RANBP2: variants seen among roughly 807,000 people sequenced by gnomAD.
RANBP2 encodes E3 SUMO-protein ligase RanBP2.
In RANBP2, 57 loss-of-function variants were observed where a neutral mutation model predicts 303.6. The ratio of observed to expected loss-of-function variants is 0.19; its 90% CI spans 0.15 to 0.23. The LOEUF (loss-of-function observed/expected upper bound fraction) is 0.23. RANBP2 is among the 10% of genes least tolerant of loss of function. The probability of loss-of-function intolerance (pLI) is 1.00; values close to 1 mark genes in which losing one functional copy is unlikely to be tolerated. For synonymous variants in RANBP2, 1,167 were observed against 1,301.5 expected (o/e 0.90, Z 2.23); for missense variants, 3,138 against 3,780.8 (o/e 0.83, Z 4.46).
chr2:109,241,827 G>A, the RANBP2 span, among the ~76,000 whole-genome samples: 39 of 151,018 alleles, frequency 2.6e-4, no homozygotes, highest in African/African-American at 9.5e-4. Flanking sequence ...GTGCAGTGGT[G>A]CGATCTCGGC....
At chr2:108,926,239 CT>C in the RANBP2 span, among the ~76,000 whole-genome samples, 3 of 152,148 alleles carry the variant, frequency 2.0e-5, no homozygotes, top group Non-Finnish European at 4.4e-5. Flanking sequence ...TGTCCGGTCC[CT>C]TCGTCTTTCT....
At chr2:108,911,971 G>A in the RANBP2 span, among the ~76,000 whole-genome samples, 1 of 152,186 alleles carries the variant, frequency 6.6e-6, no homozygotes, top group Non-Finnish European at 1.5e-5. Context: ...TCCGTGTTTT[G>A]AGCTACTCCC....
the RANBP2 span, chr2:108,839,359 A>T: frequency 7.2e-7 from 1 of 1,388,128 alleles, no homozygotes; most frequent in East Asian, 2.3e-5. Context: ...TTACTTCTTG[A>T]TCTTGTTTCA....
At chr2:108,729,011 CTT>C (rs752932629) in intron 1 of RANBP2, 119 bp from the exon 2 acceptor site, 25 of 1,251,886 alleles carry the variant, frequency 2.0e-5, no homozygotes, top group Non-Finnish European at 2.6e-5. Flanking sequence ...TTTAAAAAAA[CTT>C]TTAAGTGAAT....
chr2:109,351,306 G>A, the RANBP2 span, among the ~76,000 whole-genome samples: 1 of 152,208 alleles, frequency 6.6e-6, no homozygotes, highest in Non-Finnish European at 1.5e-5. Flanking sequence ...GACTTAGGGT[G>A]ACACATAACC....
chr2:109,637,999 T>C, the RANBP2 span, among the ~76,000 whole-genome samples: 1 of 152,202 alleles, frequency 6.6e-6, no homozygotes, highest in Non-Finnish European at 1.5e-5. Context: ...GCGACGATGC[T>C]AGTTTCCTTA....
At chr2:109,366,126 T>C in the RANBP2 span, among the ~76,000 whole-genome samples, 1,866 of 152,330 alleles carry the variant, frequency 0.012, 39 homozygotes, top group African/African-American at 0.037. Flanking sequence ...CCTAGAGTTA[T>C]CCATTCTTTA....
At chr2:109,448,996 G>C in the RANBP2 span, among the ~76,000 whole-genome samples, 2 of 152,292 alleles carry the variant, frequency 1.3e-5, no homozygotes, top group South Asian at 2.1e-4. Context: ...GCATTTTCAG[G>C]GTTTCTTGGC....
rs534483974 is a variant in RANBP2 at position 108,782,870 on chromosome 2, T to C, written c.9369+8T>C. 300 of 1,603,598 alleles carry C rather than the reference T, an allele frequency of 1.9e-4. 1 individual carries two copies. The highest frequency in any genetic ancestry group is 2.5e-4 in the Non-Finnish European group (290 of 1,173,022). ...CCAGATTTTGTTTGCCAAGTAGGTA[T>C]TATTAAGTACATACCACAATTGAGG... On this transcript the variant is annotated splice_region_variant and intron_variant, in intron 28 of 28. Transcript: ENST00000283195.
chr2:108,724,243 A>G (rs1380655557), intron 1 of RANBP2, among the ~76,000 whole-genome samples: 2 of 152,110 alleles, frequency 1.3e-5, no homozygotes, highest in African/African-American at 4.8e-5. Flanking sequence ...GCTCACTGCA[A>G]CTTCCGCCTC....
At chr2:109,445,279 C>T in the RANBP2 span, among the ~76,000 whole-genome samples, 1 of 152,032 alleles carries the variant, frequency 6.6e-6, no homozygotes, top group Non-Finnish European at 1.5e-5. Context: ...AGGAGTAGTC[C>T]CTGAGAATTC....
At chr2:109,215,655 C>T in the RANBP2 span, among the ~76,000 whole-genome samples, 1 of 152,102 alleles carries the variant, frequency 6.6e-6, no homozygotes, top group African/African-American at 2.4e-5. Flanking sequence ...GGGCTCTCAC[C>T]TACGATTTTA....
chr2:108,932,549 A>AAAAG, the RANBP2 span, among the ~76,000 whole-genome samples: 2 of 151,126 alleles, frequency 1.3e-5, no homozygotes, highest in African/African-American at 2.4e-5. Flanking sequence ...AAAAAAAAAA[A>AAAAG]AAAGAAAGAA....
At chr2:109,210,248 T>A in the RANBP2 span, among the ~76,000 whole-genome samples, 1 of 152,268 alleles carries the variant, frequency 6.6e-6, no homozygotes. Flanking sequence ...CTGTTGGGAA[T>A]AATGTCACTA....
the RANBP2 span, among the ~76,000 whole-genome samples, chr2:109,412,404 G>A: frequency 6.6e-6 from 1 of 152,250 alleles, no homozygotes; most frequent in African/African-American, 2.4e-5. Flanking sequence ...CTTGTGCTAT[G>A]CTGGTTTGGG....
At chr2:108,742,399 G>A (rs1696183316) in intron 7 of RANBP2, among the ~76,000 whole-genome samples, 1 of 152,100 alleles carries the variant, frequency 6.6e-6, no homozygotes, top group Non-Finnish European at 1.5e-5. Flanking sequence ...TGCCTCCTGG[G>A]TTCAAGTGAT....
At chr2:108,993,567 A>G in the RANBP2 span, among the ~76,000 whole-genome samples, 3 of 152,174 alleles carry the variant, frequency 2.0e-5, no homozygotes. Flanking sequence ...TCACCTAGAT[A>G]CCGGGAGATG....
Position 108,726,447 on chromosome 2 carries a change from T to G in RANBP2, c.73-2685T>G, listed in dbSNP as rs183800227. 1.4e-3 allele frequency among the ~76,000 whole-genome samples: 213 copies of G among 151,482 alleles called. 1 individual carries two copies. The highest frequency in any genetic ancestry group is 3.3e-3 in the African/African-American group (135 of 41,400). On this transcript the variant is annotated intron_variant, in intron 1 of 28. Transcript: ENST00000283195. ...AGAGGTGAGTTTTTTTGTTTTTTTT[T>G]TTTTTTGGCTTAAACAACAGAAATT...
the RANBP2 span, among the ~76,000 whole-genome samples, chr2:108,797,691 A>G: frequency 6.6e-6 from 1 of 152,146 alleles, no homozygotes; most frequent in Non-Finnish European, 1.5e-5. Context: ...GCATGTATAT[A>G]TGTATTTTAT....
Sources: gnomAD v4.1 joint callset for allele counts (sites outside exome capture counted in the v4.1 genomes callset) on GRCh38, gnomAD v4.1.1 for gene constraint, MANE v1.5 for transcripts, NCBI Gene and HGNC (gene_info 2026-07-23, HGNC 2026-07-21) for gene names.